ATP8A1: variants seen among roughly 807,000 people sequenced by gnomAD.
ATP8A1 encodes phospholipid-transporting ATPase IA.
Under a neutral mutation model 177.7 loss-of-function variants are expected in ATP8A1, and 90 were observed. That is an observed-to-expected ratio of 0.51 (90% confidence interval 0.43 to 0.60). The LOEUF is 0.60. Ranked by LOEUF, ATP8A1 falls within the 20% of genes least tolerant of loss-of-function variation. The pLI is 0.00. For synonymous variants in ATP8A1, 493 were observed against 485.9 expected (o/e 1.01, Z -0.19); for missense variants, 1,072 against 1,392.8 (o/e 0.77, Z 3.67).
chr4:42,465,905 G>A (rs546180309), intron 25 of ATP8A1, among the ~76,000 whole-genome samples: 9 of 152,034 alleles, frequency 5.9e-5, no homozygotes, highest in African/African-American at 1.2e-4. Flanking sequence ...GGTGGCGGGC[G>A]CCTGTAGTCC....
intron 27 of ATP8A1, among the ~76,000 whole-genome samples, chr4:42,464,392 G>C (rs570090334): frequency 6.6e-6 from 1 of 151,328 alleles, no homozygotes; most frequent in Non-Finnish European, 1.5e-5. Flanking sequence ...TAGCCTCCTA[G>C]TAGCTGGAAT....
intron 24 of ATP8A1, among the ~76,000 whole-genome samples, chr4:42,501,112 C>G (rs1224003626): frequency 6.6e-6 from 1 of 151,942 alleles, no homozygotes; most frequent in Non-Finnish European, 1.5e-5. Flanking sequence ...AAAATCTGAA[C>G]AGAAAAATGC....
intron 25 of ATP8A1, among the ~76,000 whole-genome samples, chr4:42,477,596 AG>A (rs1721211809): frequency 6.6e-6 from 1 of 152,202 alleles, no homozygotes; most frequent in Non-Finnish European, 1.5e-5. Flanking sequence ...AAAGATTTGG[AG>A]GAAACCTCTG....
chr4:42,552,915 G>A (rs988874341), intron 16 of ATP8A1, among the ~76,000 whole-genome samples: 7 of 152,204 alleles, frequency 4.6e-5, no homozygotes, highest in African/African-American at 1.7e-4. Context: ...GGAGGCGGGA[G>A]GCGGAGGTTG....
At chr4:42,634,096 G>C (rs1369382899) in intron 1 of ATP8A1, among the ~76,000 whole-genome samples, 1 of 152,120 alleles carries the variant, frequency 6.6e-6, no homozygotes, top group Non-Finnish European at 1.5e-5. Flanking sequence ...AGACCATTTC[G>C]AGGACACTGT....
intron 22 of ATP8A1, among the ~76,000 whole-genome samples, chr4:42,508,908 G>A (rs144933658): frequency 1.1e-3 from 161 of 152,300 alleles, no homozygotes; most frequent in Admixed American, 2.7e-3. Context: ...CAAAATTGAA[G>A]TCTAAAATTA....
intron 1 of ATP8A1, among the ~76,000 whole-genome samples, chr4:42,654,378 G>T (rs6835780): frequency 0.046 from 6,996 of 152,152 alleles, 387 homozygotes; most frequent in African/African-American, 0.13. Flanking sequence ...GGCCAATCTG[G>T]ATGAAGGGAA....
chr4:42,548,900 A>T, intron 19 of ATP8A1, 113 bp downstream of exon 19: 1 of 823,854 alleles, frequency 1.2e-6, no homozygotes, highest in Non-Finnish European at 1.9e-6. Context: ...ATTTTGTCTA[A>T]ACAAATTTAG....
At chr4:42,511,724 A>AT (rs1275531164) in intron 22 of ATP8A1, among the ~76,000 whole-genome samples, 6 of 152,130 alleles carry the variant, frequency 3.9e-5, no homozygotes, top group Admixed American at 1.3e-4. Context: ...AGAAATTATG[A>AT]TTTTTCCCCA....
intron 24 of ATP8A1, among the ~76,000 whole-genome samples, chr4:42,497,401 C>A (rs972552017): frequency 6.6e-6 from 1 of 152,114 alleles, no homozygotes; most frequent in South Asian, 2.1e-4. Flanking sequence ...GCATGGCGTG[C>A]GCCTCTCAGA....
In ATP8A1 at chr4:42,482,740, T is replaced by G. The variant is rs556024943; in HGVS notation, c.2324+2756A>C. On this transcript the variant is annotated intron_variant, in intron 25 of 36. Transcript: ENST00000381668. ...TGCAATCCTGATGATGGAACTAACA[T>G]GGAGACTCATTATCTGTTATAGGAA... is the stretch of plus-strand genomic sequence containing the variant. Among the ~76,000 whole-genome samples, 4 of 152,272 alleles carry G rather than the reference T, an allele frequency of 2.6e-5. No homozygotes were observed. The East Asian group carries it at 7.7e-4, about 29-fold the overall frequency.
At chr4:42,505,602 T>C (rs1453634875) in intron 23 of ATP8A1, among the ~76,000 whole-genome samples, 7 of 152,230 alleles carry the variant, frequency 4.6e-5, no homozygotes, top group Non-Finnish European at 8.8e-5. Context: ...TGTAAAGTTC[T>C]ACTAGTTTTT....
intron 25 of ATP8A1, among the ~76,000 whole-genome samples, chr4:42,473,242 C>T (rs1720652090): frequency 6.6e-6 from 1 of 152,170 alleles, no homozygotes; most frequent in Admixed American, 6.5e-5. Context: ...AAGCAGATCT[C>T]AGGATCTTTC....
intron 6 of ATP8A1, 98 bp from the exon 7 acceptor site, chr4:42,590,982 A>T (rs963088185): frequency 8.3e-6 from 9 of 1,082,620 alleles, no homozygotes; most frequent in Admixed American, 6.8e-5. Context: ...AAAGTTCGAA[A>T]TTATTATAGA....
At chr4:42,530,186 T>C (rs965001177) in intron 20 of ATP8A1, among the ~76,000 whole-genome samples, 11 of 152,144 alleles carry the variant, frequency 7.2e-5, no homozygotes, top group African/African-American at 2.7e-4. Context: ...GGATGGAGGT[T>C]ACGCATGGGC....
intron 24 of ATP8A1, 134 bp from the exon 25 acceptor site, chr4:42,485,802 T>C (rs1346562084): frequency 2.6e-5 from 19 of 727,446 alleles, no homozygotes; most frequent in Non-Finnish European, 2.4e-5. Flanking sequence ...TTCACATACT[T>C]TCAGTCATTT....
At chr4:42,564,932 G>A (rs1482417774) in intron 15 of ATP8A1, among the ~76,000 whole-genome samples, 2 of 152,116 alleles carry the variant, frequency 1.3e-5, no homozygotes, top group Non-Finnish European at 2.9e-5. Context: ...ATGGGGACAG[G>A]TCTTTCCTGT....
chr4:42,495,482 C>G (rs1368457326), intron 24 of ATP8A1, among the ~76,000 whole-genome samples: 1 of 152,198 alleles, frequency 6.6e-6, no homozygotes, highest in Non-Finnish European at 1.5e-5. Flanking sequence ...TAGGGAGAAA[C>G]TACATTTATG....
intron 9 of ATP8A1, among the ~76,000 whole-genome samples, chr4:42,585,435 G>A (rs765628704): frequency 3.7e-4 from 56 of 150,028 alleles, no homozygotes; most frequent in Non-Finnish European, 2.4e-4. Flanking sequence ...TTCCCAAAGC[G>A]GTGTATCAGA....
Sources: gnomAD v4.1 joint callset for allele counts (sites outside exome capture counted in the v4.1 genomes callset) on GRCh38, gnomAD v4.1.1 for gene constraint, MANE v1.5 for transcripts, NCBI Gene and HGNC (gene_info 2026-07-23, HGNC 2026-07-21) for gene names.